FGF13: variants seen among roughly 807,000 people sequenced by gnomAD.
FGF13 encodes fibroblast growth factor 13, also known as fibroblast growth factor homologous factor 2.
Under a neutral mutation model 19.5 loss-of-function variants are expected in FGF13, and 2 were observed. That is an observed-to-expected ratio of 0.10 (90% CI 0.04 to 0.32). The LOEUF (loss-of-function observed/expected upper bound fraction) is 0.32. Among genes scored for constraint, FGF13 ranks in the 10% least tolerant of loss-of-function variants. The pLI is 1.00. For missense variants in FGF13, 113 were observed against 192.7 expected (o/e 0.59, Z 2.45); for synonymous variants, 72 against 76.9 (o/e 0.94, Z 0.33).
intron 1 of FGF13, among the ~76,000 whole-genome samples, chrX:139,202,784 G>A (rs1401007368): frequency 9.0e-6 from 1 of 111,219 alleles, no homozygotes; most frequent in Admixed American, 9.5e-5. Context: ...AGTGAAGGGG[G>A]CCTGAGGGCT....
intron 1 of FGF13, among the ~76,000 whole-genome samples, chrX:138,891,306 T>C (rs1444640805): frequency 9.0e-6 from 1 of 111,352 alleles, no homozygotes; most frequent in Non-Finnish European, 1.9e-5. Context: ...AAAAAAATTG[T>C]TCCTCACAGT....
chrX:138,692,384 G>C (rs2089846823), intron 3 of FGF13, among the ~76,000 whole-genome samples: 1 of 107,628 alleles, frequency 9.3e-6, no homozygotes, highest in African/African-American at 3.4e-5. Context: ...GTTTTGTTGA[G>C]CTGTTTTTTT....
At chrX:139,147,244 T>G (rs1392536236) in intron 1 of FGF13, among the ~76,000 whole-genome samples, 3 of 108,255 alleles carry the variant, frequency 2.8e-5, no homozygotes, top group Non-Finnish European at 5.7e-5. Flanking sequence ...CAAAAGTCTA[T>G]GAGCAGATGA....
At chrX:138,715,031 T>C (rs2090088528), upstream of FGF13, among the ~76,000 whole-genome samples, 1 of 111,878 alleles carries the variant, frequency 8.9e-6, no homozygotes, top group Non-Finnish European at 1.9e-5. Context: ...CCTCCATATT[T>C]GTAAATTTCA....
intron 1 of FGF13, among the ~76,000 whole-genome samples, chrX:139,188,295 T>G (rs1338468909): frequency 8.9e-6 from 1 of 112,357 alleles, no homozygotes; most frequent in Non-Finnish European, 1.9e-5. Flanking sequence ...CACCTGAAAA[T>G]AAATATATCT....
chrX:139,192,177 C>T lies in FGF13; in HGVS notation c.-113+11239G>A, dbSNP rs188442317. On this transcript the variant is annotated intron_variant, in intron 1 of 2. Coordinates refer to the FGF13 transcript ENST00000421460. ...GGTCTTTAAGGTTGCTTAATTCAAC[C>T]CATGAGGACACTGAGAACTCAAAAC... 4.4e-3 allele frequency among the ~76,000 whole-genome samples: 490 copies of T among 112,010 alleles called. 1 individual carries two copies. Among genetic ancestry groups the T allele is most frequent in the Non-Finnish European group, 7.6e-3 (404 of 53,228 alleles).
intron 1 of FGF13, among the ~76,000 whole-genome samples, chrX:139,166,076 T>A: frequency 9.0e-6 from 1 of 111,441 alleles, no homozygotes; most frequent in Middle Eastern, 4.6e-3. Flanking sequence ...AAGGGCATGA[T>A]TGTGTTTTAA....
intron 1 of FGF13, among the ~76,000 whole-genome samples, chrX:138,722,134 G>A (rs973000039): frequency 1.8e-5 from 2 of 111,668 alleles, no homozygotes; most frequent in African/African-American, 6.5e-5. Context: ...CCAAGAGTCA[G>A]ATGGTAGAGG....
chrX:138,659,083 G>A (rs929455579), intron 3 of FGF13, among the ~76,000 whole-genome samples: 2 of 111,669 alleles, frequency 1.8e-5, no homozygotes, highest in Admixed American at 9.6e-5. Flanking sequence ...TGAAGGACAC[G>A]AGTAATGACT....
At chrX:139,018,785 T>C (rs2092164789) in intron 1 of FGF13, among the ~76,000 whole-genome samples, 1 of 110,948 alleles carries the variant, frequency 9.0e-6, no homozygotes, top group Non-Finnish European at 1.9e-5. Flanking sequence ...TTTACTCTTT[T>C]TTTTTTTCTT....
In FGF13 at chrX:138,973,273, T is replaced by C. The variant is rs1474806047; in HGVS notation, c.-112-108623A>G. 3.6e-5 allele frequency among the ~76,000 whole-genome samples: 4 copies of C among 112,419 alleles called. No individual in the cohort carries two copies. In the East Asian group the frequency reaches 8.4e-4, roughly 23 times the overall value. ...TTGACTCATTGGTTGTTCAGGAATA[T>C]GTTGTTTAATTTCTATGTATTTGTA... On this transcript the variant is annotated intron_variant, in intron 1 of 2. Transcript: ENST00000421460.
chrX:138,887,208 G>C (rs1217662464), intron 1 of FGF13, among the ~76,000 whole-genome samples: 1 of 111,800 alleles, frequency 8.9e-6, no homozygotes, highest in African/African-American at 3.3e-5. Flanking sequence ...CTCACTTATA[G>C]GATTGTTATT....
At chrX:138,773,629 T>C (rs921820265) in intron 3 of FGF13, among the ~76,000 whole-genome samples, 4 of 112,487 alleles carry the variant, frequency 3.6e-5, no homozygotes, top group Non-Finnish European at 7.5e-5. Flanking sequence ...TTAGCCGTTC[T>C]TAGTCCATAG....
At chrX:138,734,314 G>A (rs1403281225) in intron 1 of FGF13, among the ~76,000 whole-genome samples, 1 of 111,319 alleles carries the variant, frequency 9.0e-6, no homozygotes, top group Admixed American at 9.6e-5. Flanking sequence ...GTATAGCAGT[G>A]GTTAACTAAG....
At chrX:138,991,632 T>C (rs1357858861) in intron 1 of FGF13, among the ~76,000 whole-genome samples, 2 of 112,267 alleles carry the variant, frequency 1.8e-5, no homozygotes, top group Non-Finnish European at 3.8e-5. Context: ...ATAGTTTCAG[T>C]AACAATGGAG....
intron 1 of FGF13, among the ~76,000 whole-genome samples, chrX:139,111,801 C>A (rs933568844): frequency 8.9e-6 from 1 of 111,982 alleles, no homozygotes; most frequent in Non-Finnish European, 1.9e-5. Context: ...ATGAGCACAA[C>A]GAATACCTAA....
intron 3 of FGF13, among the ~76,000 whole-genome samples, chrX:138,782,221 T>G (rs2090650432): frequency 1.8e-5 from 2 of 112,434 alleles, no homozygotes; most frequent in African/African-American, 3.2e-5. Context: ...GGGCAAAAAC[T>G]GGAAGCATTC....
chrX:138,809,951 A>C (rs1750827165), intron 3 of FGF13, among the ~76,000 whole-genome samples: 1 of 111,803 alleles, frequency 8.9e-6, no homozygotes, highest in Admixed American at 9.5e-5. Context: ...AGAGGACACA[A>C]ACAAACGGAA....
intron 1 of FGF13, among the ~76,000 whole-genome samples, chrX:138,721,202 A>AT (rs2090145401): frequency 9.0e-6 from 1 of 111,487 alleles, no homozygotes; most frequent in Admixed American, 9.5e-5. Flanking sequence ...GAGACCAGAG[A>AT]TTTTTCACAT....
Sources: allele counts gnomAD v4.1 joint callset (sites outside exome capture counted in the v4.1 genomes callset), GRCh38; gene constraint gnomAD v4.1.1; transcripts MANE v1.5; gene names NCBI Gene and HGNC (gene_info 2026-07-23, HGNC 2026-07-21).